The following RPH3A variants were observed in gnomAD, a reference collection of about 807,000 sequenced individuals.
The protein encoded by RPH3A is rabphilin 3A.
Under a neutral mutation model 102.2 loss-of-function variants are expected in RPH3A, and 48 were observed. The observed-to-expected ratio is 0.47, with a 90% CI of 0.37 to 0.60. RPH3A has a LOEUF of 0.60. Ranked by LOEUF, RPH3A falls within the 20% of genes least tolerant of loss-of-function variation. RPH3A has a pLI of 0.00. For synonymous variants in RPH3A, 310 were observed against 324.3 expected (o/e 0.96, Z 0.47); for missense variants, 781 against 910.1 (o/e 0.86, Z 1.83).
intron 1 of RPH3A, among the ~76,000 whole-genome samples, chr12:112,619,751 TGA>T: frequency 6.6e-6 from 1 of 152,202 alleles, no homozygotes; most frequent in Non-Finnish European, 1.5e-5. Context: ...GTATGAAGTC[TGA>T]TTTGCTTTTT....
At chr12:112,786,974 C>A (rs142482502), upstream of RPH3A, among the ~76,000 whole-genome samples, 5 of 152,132 alleles carry the variant, frequency 3.3e-5, no homozygotes, top group Non-Finnish European at 7.4e-5. Flanking sequence ...CTAGAGCCTG[C>A]CCACATTCCT....
At chr12:112,863,419 G>A (rs2042554718) in intron 5 of RPH3A, among the ~76,000 whole-genome samples, 1 of 152,184 alleles carries the variant, frequency 6.6e-6, no homozygotes, top group African/African-American at 2.4e-5. Flanking sequence ...CTGGGTCCAA[G>A]CGGTTCTCCT....
At chr12:112,869,714 A>C (rs765626804) in intron 8 of RPH3A, 45 bp from the exon 9 acceptor site, 115 of 1,596,038 alleles carry the variant, frequency 7.2e-5, no homozygotes, top group Non-Finnish European at 9.2e-5. Flanking sequence ...TTTTCCAGAC[A>C]CCAGAAAACC....
At chr12:112,610,718 G>A (rs949191875) in intron 1 of RPH3A, among the ~76,000 whole-genome samples, 4 of 151,892 alleles carry the variant, frequency 2.6e-5, no homozygotes, top group African/African-American at 4.8e-5. Flanking sequence ...TGCAAGCTCC[G>A]TCTCCTGGGT....
chr12:112,671,315 A>G (rs541176960), intron 1 of RPH3A, among the ~76,000 whole-genome samples: 1 of 152,338 alleles, frequency 6.6e-6, no homozygotes, highest in Non-Finnish European at 1.5e-5. Flanking sequence ...CCCAATCACC[A>G]GGATTCCAGG....
At chr12:112,639,074 C>T (rs1199209549) in intron 1 of RPH3A, among the ~76,000 whole-genome samples, 1 of 152,126 alleles carries the variant, frequency 6.6e-6, no homozygotes, top group Non-Finnish European at 1.5e-5. Context: ...GGGCAATTGC[C>T]TCAATCCCTC....
At chr12:112,767,368 C>T (rs958480955) in intron 1 of RPH3A, among the ~76,000 whole-genome samples, 4 of 152,304 alleles carry the variant, frequency 2.6e-5, no homozygotes, top group Admixed American at 6.5e-5. Context: ...CACTCTCACC[C>T]GTCTTATCTG....
intron 1 of RPH3A, among the ~76,000 whole-genome samples, chr12:112,659,171 C>T (rs1028130814): frequency 1.2e-4 from 18 of 152,206 alleles, no homozygotes; most frequent in Admixed American, 1.2e-3. Flanking sequence ...CAAAGATATT[C>T]TCCTGCTTAG....
chr12:112,655,997 C>G (rs1239456591), intron 1 of RPH3A, among the ~76,000 whole-genome samples: 3 of 152,166 alleles, frequency 2.0e-5, no homozygotes, highest in Admixed American at 2.0e-4. Flanking sequence ...ACAACCATCA[C>G]TTTCAATTTC....
chr12:112,760,636 A>T (rs563575597), intron 1 of RPH3A, among the ~76,000 whole-genome samples: 1 of 152,328 alleles, frequency 6.6e-6, no homozygotes, highest in Admixed American at 6.5e-5. Flanking sequence ...GGCTCTGGGC[A>T]AGTATAAATG....
intron 1 of RPH3A, among the ~76,000 whole-genome samples, chr12:112,678,322 A>AGAGAGAGGG (rs2040201055): frequency 7.5e-6 from 1 of 134,126 alleles, no homozygotes. Context: ...AGAGAGAAAG[A>AGAGAGAGGG]AAGAAAGAAG....
chr12:112,640,652 A>G (rs755312918), intron 1 of RPH3A, among the ~76,000 whole-genome samples: 12 of 152,206 alleles, frequency 7.9e-5, no homozygotes, highest in Non-Finnish European at 1.3e-4. Flanking sequence ...ACTGTCAGAA[A>G]AATCTGAGTG....
At position 112,861,142 on chromosome 12, in the gene RPH3A, C is replaced by T. The variant is rs567966615; in HGVS notation, c.231-4272C>T. Among the ~76,000 whole-genome samples the T allele has an allele frequency of 1.5e-3, 231 of 152,278 alleles. 1 individual carries two copies. The highest frequency in any genetic ancestry group is 5.6e-3 in the Admixed American group (86 of 15,296). On this transcript the variant is annotated intron_variant, in intron 5 of 21. Transcript: ENST00000389385. ...CCCACCATGCTGCCACAGAGGTTGGCCCCTGAACTGGCTCTATGAAACCCT... is the reference window on the plus strand; with the variant it reads ...CCCACCATGCTGCCACAGAGGTTGGTCCCTGAACTGGCTCTATGAAACCCT...
chr12:112,889,293 G>A (rs997057526), intron 17 of RPH3A, among the ~76,000 whole-genome samples: 3 of 152,214 alleles, frequency 2.0e-5, no homozygotes, highest in African/African-American at 7.2e-5. Flanking sequence ...CAGTTGGCCA[G>A]GACAATGGCC....
chr12:112,869,986 C>G lies in RPH3A; in HGVS notation c.743C>G (p.Ser248Ter). 1 of 1,614,186 alleles carries G rather than the reference C, an allele frequency of 6.2e-7. No homozygotes were observed. The highest frequency in any genetic ancestry group is 8.5e-7 in the Non-Finnish European group (1 of 1,180,034). Reference protein sequence around the residue: ...EARMSSSSRDSESWDHSGGAG... With the variant: ...EARMSSSSRD ...CGAATGAGCTCATCTAGCCGAGATT[C>G]AGAGAGCTGGGACCACAGTGGGGGT... The change falls in exon 10 of 22, where the codon TCA becomes TGA. Residue 248 changes from serine (S) to a stop codon, truncating the protein, a stop_gained. Coordinates refer to ENST00000389385, the MANE Select transcript of RPH3A (RefSeq NM_001143854.2). LOFTEE classifies it high-confidence loss of function.
chr12:112,779,074 G>T (rs1025067642), intron 1 of RPH3A, among the ~76,000 whole-genome samples: 2 of 152,154 alleles, frequency 1.3e-5, no homozygotes, highest in Non-Finnish European at 2.9e-5. Flanking sequence ...TGCTAGTCTG[G>T]GTCCTCCAGG....
chr12:112,792,598 G>T lies in RPH3A; in HGVS notation c.-19+335G>T, dbSNP rs572162335. Among the ~76,000 whole-genome samples, 5 of 152,286 alleles carry T rather than the reference G, an allele frequency of 3.3e-5. No individual in the cohort carries two copies. In the South Asian group the frequency reaches 1.0e-3, roughly 32 times the overall value. On this transcript the variant is annotated intron_variant, in intron 2 of 21. Coordinates refer to ENST00000389385, the MANE Select transcript of RPH3A (RefSeq NM_001143854.2). ...AGTTCTCTGAGAGAGTTAACCCTTC[G>T]TGGGGCTGGCTAGTCTAGCATGGAG...
rs572390251 is a variant in RPH3A at position 112,736,811 on chromosome 12, G to C, written c.-139-55332G>C. On this transcript the variant is annotated intron_variant, in intron 1 of 21. Transcript: ENST00000543106. ...GCAGACATGGATAGGTGGACATAGT[G>C]GGGGAATCTCTCTTGAGGCTCAACA... Among the ~76,000 whole-genome samples the C allele has an allele frequency of 3.9e-5, 6 of 152,248 alleles. No individual in the cohort carries two copies. In the South Asian group the frequency reaches 6.2e-4, roughly 16 times the overall value.
intron 17 of RPH3A, 138 bp downstream of exon 17, chr12:112,888,061 T>TG: frequency 3.3e-6 from 3 of 917,168 alleles, no homozygotes; most frequent in African/African-American, 3.3e-5. Flanking sequence ...CAGAGGAGAG[T>TG]CAAGATTCCA....
Sources: gnomAD v4.1 joint callset for allele counts (sites outside exome capture counted in the v4.1 genomes callset) on GRCh38, gnomAD v4.1.1 for gene constraint, MANE v1.5 for transcripts, NCBI Gene and HGNC (gene_info 2026-07-23, HGNC 2026-07-21) for gene names.